DGKK: variants seen among roughly 807,000 people sequenced by gnomAD.
The protein encoded by DGKK is diacylglycerol kinase kappa, also known as 142 kDa diacylglycerol kinase.
In DGKK, 35 loss-of-function variants were observed where a neutral mutation model predicts 92.2. The observed-to-expected ratio is 0.38, with a 90% CI of 0.29 to 0.50. The LOEUF is 0.50. Among genes scored for constraint, DGKK ranks in the 20% least tolerant of loss-of-function variants. The pLI is 0.92. For synonymous variants in DGKK, 368 were observed against 360.6 expected (o/e 1.02, Z -0.23); for missense variants, 910 against 992.2 (o/e 0.92, Z 1.11).
At chrX:50,446,609 A>G (rs932003602) in intron 1 of DGKK, among the ~76,000 whole-genome samples, 20 of 111,531 alleles carry the variant, frequency 1.8e-4, no homozygotes, top group Non-Finnish European at 2.6e-4. Context: ...AGTTATTTAT[A>G]GAGTCCAGAT....
At chrX:50,396,026 G>C (rs1475760286) in intron 8 of DGKK, among the ~76,000 whole-genome samples, 1 of 111,677 alleles carries the variant, frequency 9.0e-6, no homozygotes, top group Non-Finnish European at 1.9e-5. Context: ...TGTTCACTGT[G>C]GCATTATTTG....
intron 13 of DGKK, among the ~76,000 whole-genome samples, chrX:50,387,886 C>A (rs1557225140): frequency 8.9e-6 from 1 of 112,206 alleles, no homozygotes; most frequent in African/African-American, 3.2e-5. Flanking sequence ...AGTCAAGAAC[C>A]TAATAGAGCT....
In DGKK at chrX:50,366,990, G is replaced by A. The variant is rs1192323958; in HGVS notation, c.*1950C>T. 4 of 112,550 alleles carry A rather than the reference G, an allele frequency of 3.6e-5. No homozygotes were observed. The Admixed American group carries it at 3.8e-4, about 11-fold the overall frequency. The allele number at this position is 112,550 out of a possible 1,213,427, so 9.3% of individuals were successfully genotyped here. On this transcript the variant is annotated 3_prime_UTR_variant, in exon 28 of 28. Transcript: ENST00000611977. ...ATTGACTTTCTTCTCTAGTTGTAGAGCTAGGACTTAGTTTGGCACAGCAAT... is the reference window on the plus strand; with the variant it reads ...ATTGACTTTCTTCTCTAGTTGTAGAACTAGGACTTAGTTTGGCACAGCAAT...
Position 50,395,412 on chromosome X carries a change from G to A in DGKK, c.1412-2077C>T, listed in dbSNP as rs868988973. ...GGAAGCAACTTCTTGCCAACATCTA[G>A]TGGCTCTCTGAGGTGTGCTTGGAAG... is the stretch of plus-strand genomic sequence containing the variant. On this transcript the variant is annotated intron_variant, in intron 8 of 27. Coordinates refer to ENST00000611977, the MANE Select transcript of DGKK (RefSeq NM_001013742.4). 2.7e-5 allele frequency among the ~76,000 whole-genome samples: 3 copies of A among 111,390 alleles called. No homozygotes were observed. In the Middle Eastern group the frequency reaches 0.014, roughly 518 times the overall value.
intron 1 of DGKK, among the ~76,000 whole-genome samples, chrX:50,460,257 C>T (rs1164475910): frequency 4.5e-5 from 5 of 111,686 alleles, no homozygotes; most frequent in East Asian, 2.8e-4. Flanking sequence ...TCATTTCCTG[C>T]GTCAAGCTGC....
chrX:50,382,600 G>T lies in DGKK; in HGVS notation c.2553C>A (p.Arg851=). ...DHLHFTPESI[R]FKEKCVMNNY... ...TGTTCATGACACATTTTTCTTTGAA[G>T]CGTCTGAAATTATTCAAAGAAGAGG... Residue 851 remains arginine (R), a synonymous_variant, in exon 18 of 28, where the codon CGC becomes CGA. Transcript: ENST00000611977. 1 of 1,197,214 alleles carries T rather than the reference G, an allele frequency of 8.4e-7. No homozygotes were observed. The highest frequency in any genetic ancestry group is 1.7e-5 in the African/African-American group (1 of 57,375).
At chrX:50,457,898 C>T (rs2147151292) in intron 1 of DGKK, among the ~76,000 whole-genome samples, 1 of 111,644 alleles carries the variant, frequency 9.0e-6, no homozygotes, top group South Asian at 3.8e-4. Flanking sequence ...TATGACAACC[C>T]ACTTTATGAG....
chrX:50,404,687 G>A (rs929669860), intron 4 of DGKK, among the ~76,000 whole-genome samples: 1 of 110,604 alleles, frequency 9.0e-6, no homozygotes, highest in Non-Finnish European at 1.9e-5. Flanking sequence ...GATTACAAGC[G>A]TGAGCCACTG....
intron 11 of DGKK, 102 bp from the exon 12 acceptor site, chrX:50,390,511 G>T: frequency 2.7e-6 from 2 of 748,744 alleles, no homozygotes; most frequent in Non-Finnish European, 2.0e-6. Flanking sequence ...TTATGTGGTG[G>T]GGGGAGGTGG....
intron 1 of DGKK, among the ~76,000 whole-genome samples, chrX:50,452,269 C>T (rs1167043118): frequency 3.6e-5 from 4 of 111,790 alleles, no homozygotes; most frequent in African/African-American, 1.3e-4. Context: ...ACCCTCACAC[C>T]GTACTTTCTG....
chrX:50,370,677 A>G (rs1924100446), intron 26 of DGKK, 128 bp from the exon 27 acceptor site: 2 of 732,069 alleles, frequency 2.7e-6, no homozygotes, highest in African/African-American at 4.3e-5. Flanking sequence ...CTATCCAGGT[A>G]TGAGAAACAC....
At chrX:50,390,279 C>A in intron 12 of DGKK, 49 bp downstream of exon 12, 1 of 1,143,026 alleles carries the variant, frequency 8.7e-7, no homozygotes, top group Non-Finnish European at 1.2e-6. Flanking sequence ...CCAATTATTT[C>A]ACTGAGTAAT....
At chrX:50,376,675 T>A (rs1411261588) in intron 23 of DGKK, 83 bp downstream of exon 23, 1 of 951,504 alleles carries the variant, frequency 1.1e-6, no homozygotes, top group African/African-American at 2.0e-5. Flanking sequence ...CCAGGCTCCC[T>A]AGTAGCCAAT....
intron 1 of DGKK, among the ~76,000 whole-genome samples, chrX:50,462,252 G>A (rs66602603): frequency 0.031 from 3,413 of 110,863 alleles, 141 homozygotes; most frequent in African/African-American, 0.11. Flanking sequence ...GGGGCAGCGG[G>A]AAGCCAGCCT....
intron 4 of DGKK, among the ~76,000 whole-genome samples, chrX:50,420,171 A>ACATATCAAG (rs1169777874): frequency 8.1e-5 from 9 of 111,704 alleles, no homozygotes; most frequent in African/African-American, 2.9e-4. Context: ...ATTGACATCT[A>ACATATCAAG]CATATCAAGT....
intron 2 of DGKK, among the ~76,000 whole-genome samples, chrX:50,423,191 T>C (rs1557229337): frequency 8.9e-6 from 1 of 112,412 alleles, no homozygotes; most frequent in Admixed American, 9.4e-5. Context: ...GGACAACAGA[T>C]CATGCATATG....
In DGKK at chrX:50,367,252, G is replaced by A. The variant is rs1198555993; in HGVS notation, c.*1688C>T. On this transcript the variant is annotated 3_prime_UTR_variant, in exon 28 of 28. Transcript: ENST00000611977. Reference sequence around the variant, plus strand: ...CAGTTTTCTCTTGATAAGTGGGAAGGGACAGTTAACTAAAGGTATGAGTCA... The same window carrying A: ...CAGTTTTCTCTTGATAAGTGGGAAGAGACAGTTAACTAAAGGTATGAGTCA... 9.0e-6 allele frequency: 1 copy of A among 111,169 alleles called. No homozygotes were observed. The highest frequency in any genetic ancestry group is 3.3e-5 in the African/African-American group (1 of 30,499). The allele number at this position is 111,169 out of a possible 1,213,427, so 9.2% of individuals were successfully genotyped here. A position where few individuals can be genotyped will look rare whatever the true frequency, so the allele number is the denominator to read the frequency against.
Position 50,376,071 on chromosome X carries a change from G to T in DGKK, c.3367C>A (p.Gln1123Lys). Residue 1123 changes from glutamine (Q) to lysine (K), a missense_variant, in exon 24 of 28, where the codon CAA becomes AAA. Gln to Lys is a moderately conservative substitution (Grantham distance 53, BLOSUM62 1). Transcript: ENST00000611977. ...GCACCCATCTCATTGCCACTGTCTTGGCCGTAAAATATATCATTCAGGATG... is the reference window on the plus strand; with the variant it reads ...GCACCCATCTCATTGCCACTGTCTTTGCCGTAAAATATATCATTCAGGATG... ...ANILNDIFYG[Q>K]DSGNEMGAAS... 8.3e-7 allele frequency: 1 copy of T among 1,210,889 alleles called. No individual in the cohort carries two copies. Among genetic ancestry groups the T allele is most frequent in the Non-Finnish European group, 1.1e-6 (1 of 895,002 alleles).
chrX:50,379,799 G>C (rs782116874), intron 19 of DGKK, 65 bp from the exon 20 acceptor site: 63 of 1,004,232 alleles, frequency 6.3e-5, no homozygotes, highest in Non-Finnish European at 8.6e-5. Flanking sequence ...AACATTTACA[G>C]AGATGGGGAA....
Sources: gnomAD v4.1 joint callset for allele counts (sites outside exome capture counted in the v4.1 genomes callset) on GRCh38, gnomAD v4.1.1 for gene constraint, MANE v1.5 for transcripts, NCBI Gene and HGNC (gene_info 2026-07-23, HGNC 2026-07-21) for gene names.